The following NID1 variants were observed in gnomAD, a reference collection of about 807,000 sequenced individuals.
NID1 encodes the protein nidogen-1.
A neutral mutation model predicts 130.6 loss-of-function variants in NID1; 76 were observed. That is an observed-to-expected ratio of 0.58 (90% CI 0.48 to 0.70). The LOEUF is 0.70. Among genes scored for constraint, NID1 ranks in the 30% least tolerant of loss-of-function variants. The pLI is 0.00. For synonymous variants in NID1, 665 were observed against 675.1 expected (o/e 0.98, Z 0.23); for missense variants, 1,517 against 1,664.8 (o/e 0.91, Z 1.54).
At chr1:236,031,109 T>C (rs1659085309) in intron 6 of NID1, among the ~76,000 whole-genome samples, 1 of 151,228 alleles carries the variant, frequency 6.6e-6, no homozygotes, top group South Asian at 2.1e-4. Flanking sequence ...TCAATCCTTT[T>C]CTTTTTTTCT....
chr1:236,012,558 CAAAAAAAAA>C lies in NID1; in HGVS notation c.2405-524_2405-516del, dbSNP rs56183830. On this transcript the variant is annotated intron_variant, in intron 11 of 19. Coordinates refer to ENST00000264187, the MANE Select transcript of NID1 (RefSeq NM_002508.3). ...GGGCAACAAGAGCTAAATGCCATCT[CAAAAAAAAA>C]AAAAAAAAAAAAAAGAAAGAAAAGA... Among the ~76,000 whole-genome samples the C allele has an allele frequency of 6.1e-5, 6 of 98,086 alleles. No individual in the cohort carries two copies. The Admixed American group carries it at 6.7e-4, about 11-fold the overall frequency. 64.3% of individuals were successfully genotyped at this position (98,086 alleles called of 152,430 possible).
At chr1:236,050,620 A>C (rs1029733253) in intron 1 of NID1, among the ~76,000 whole-genome samples, 14 of 152,062 alleles carry the variant, frequency 9.2e-5, no homozygotes, top group Non-Finnish European at 8.8e-5. Context: ...AAATGGGAAG[A>C]GGGCCCCTGA....
At chr1:236,037,958 A>G in intron 5 of NID1, 146 bp downstream of exon 5, 1 of 921,688 alleles carries the variant, frequency 1.1e-6, no homozygotes, top group Non-Finnish European at 1.5e-6. Flanking sequence ...AGAAAAAATG[A>G]GGAAAGAGAG....
intron 4 of NID1, among the ~76,000 whole-genome samples, chr1:236,041,631 A>C (rs945515069): frequency 2.0e-5 from 3 of 152,196 alleles, no homozygotes; most frequent in African/African-American, 7.2e-5. Flanking sequence ...TTTTCTCTTT[A>C]AAACAGACAG....
Position 235,977,730 on chromosome 1 carries a change from AG to A in NID1, c.*136del. 1.1e-6 allele frequency: 1 copy of A among 948,706 alleles called. No homozygotes were observed. The highest frequency in any genetic ancestry group is 1.6e-6 in the Non-Finnish European group (1 of 628,292). 58.8% of individuals were successfully genotyped at this position (948,706 alleles called of 1,614,324 possible). On this transcript the variant is annotated 3_prime_UTR_variant, in exon 20 of 20. Coordinates refer to ENST00000264187, the MANE Select transcript of NID1 (RefSeq NM_002508.3). ...ATGTTTTGGGGAACAGTGAGGGAAA[AG>A]TTGTTGGGGCTCAGGCTGGGCTGGG...
intron 9 of NID1, 32 bp downstream of exon 9, chr1:236,024,038 C>T (rs777714935): frequency 6.2e-7 from 1 of 1,610,280 alleles, no homozygotes; most frequent in Non-Finnish European, 8.5e-7. Context: ...CCTGATTTCC[C>T]AGCCCCAACA....
At chr1:236,033,094 G>A (rs553506265) in intron 5 of NID1, among the ~76,000 whole-genome samples, 2 of 152,294 alleles carry the variant, frequency 1.3e-5, no homozygotes, top group South Asian at 2.1e-4. Context: ...GATCACCTGA[G>A]GTCAGGAGTT....
chr1:236,044,641 A>T (rs6665634), intron 3 of NID1, among the ~76,000 whole-genome samples: 74,869 of 152,036 alleles, frequency 0.49, 19,140 homozygotes, highest in East Asian at 0.68. Flanking sequence ...CTAGATTTGA[A>T]GATATAAAAT....
chr1:236,005,231 C>CGG (rs59897525), intron 12 of NID1, among the ~76,000 whole-genome samples: 3 of 150,666 alleles, frequency 2.0e-5, no homozygotes, highest in Admixed American at 1.3e-4. Context: ...CAGATATAGG[C>CGG]GGGGGGTGGG....
chr1:235,999,936 G>A (rs536707809), intron 12 of NID1, among the ~76,000 whole-genome samples: 34 of 152,262 alleles, frequency 2.2e-4, no homozygotes, highest in Admixed American at 9.2e-4. Context: ...AGAACAGGCC[G>A]GGCCCTGTGG....
rs1161985821 is a variant in NID1 at position 236,032,578 on chromosome 1, C to G, written c.1360G>C (p.Glu454Gln). 1 of 1,614,140 alleles carries G rather than the reference C, an allele frequency of 6.2e-7. No individual in the cohort carries two copies. The highest frequency in any genetic ancestry group is 8.5e-7 in the Non-Finnish European group (1 of 1,180,044). Residue 454 changes from glutamate to glutamine, a missense_variant, in exon 6 of 20, where the codon GAG becomes CAG. Glu to Gln is a conservative substitution (Grantham distance 29, BLOSUM62 2). Transcript: ENST00000264187. ...ACGTAAGAGTGGAGGTCAGTGTTCTCAAAGACAATGGGGACCTGGCTGCTC... is the reference window on the plus strand; with the variant it reads ...ACGTAAGAGTGGAGGTCAGTGTTCTGAAAGACAATGGGGACCTGGCTGCTC... ...VGSSQVPIVF[E>Q]NTDLHSYVVM...
chr1:236,057,283 C>T (rs948423997), intron 1 of NID1, among the ~76,000 whole-genome samples: 13 of 152,008 alleles, frequency 8.6e-5, no homozygotes, highest in South Asian at 2.1e-4. Context: ...ATTATGGGAT[C>T]GCACTTTAGT....
chr1:236,037,913 A>T (rs1238074819), intron 5 of NID1, among the ~76,000 whole-genome samples, 191 bp downstream of exon 5: 1 of 152,158 alleles, frequency 6.6e-6, no homozygotes, highest in Admixed American at 6.5e-5. Context: ...TATTTGAAAA[A>T]TGGGCCTTCC....
chr1:236,064,100 A>G (rs1024866775), intron 1 of NID1, among the ~76,000 whole-genome samples: 1 of 152,138 alleles, frequency 6.6e-6, no homozygotes, highest in Non-Finnish European at 1.5e-5. Flanking sequence ...TATGAAATCC[A>G]CATGGTGGGC....
Position 235,993,850 on chromosome 1 carries a change from C to G in NID1, c.2550G>C (p.Gln850His), listed in dbSNP as rs147665041. 2,027 of 1,613,056 alleles carry G rather than the reference C, an allele frequency of 1.3e-3. 3 individuals are homozygous for G. The highest frequency in any genetic ancestry group is 1.7e-3 in the Non-Finnish European group (1,947 of 1,179,130). Residue 850 changes from glutamine (Q) to histidine (H), a missense_variant, in exon 13 of 20, where the codon CAG becomes CAC. Physicochemically the swap from Gln to His is conservative, Grantham distance 24. This residue lies in a region of NID1 where 1,329 missense variants were observed against 1,429.2 expected (regional missense o/e 0.93). Transcript: ENST00000264187. Reference sequence around the variant, plus strand: ...CCCCGAGAATGTGTTCTCGCTCGTGCTGGCACCGGGTTTTCTCCACCTCTA... The same window carrying G: ...CCCCGAGAATGTGTTCTCGCTCGTGGTGGCACCGGGTTTTCTCCACCTCTA... ...VPGEVEKTRC[Q>H]HEREHILGAA...
At chr1:236,039,214 A>G (rs1041221486) in intron 4 of NID1, among the ~76,000 whole-genome samples, 1 of 147,110 alleles carries the variant, frequency 6.8e-6, no homozygotes, top group Non-Finnish European at 1.5e-5. Flanking sequence ...AGTATATACT[A>G]CATATAATTA....
At chr1:236,000,433 C>T (rs1242733088) in intron 12 of NID1, among the ~76,000 whole-genome samples, 1 of 152,178 alleles carries the variant, frequency 6.6e-6, no homozygotes, top group East Asian at 1.9e-4. Flanking sequence ...AATTGACAAT[C>T]AGAAAATCTT....
intron 15 of NID1, among the ~76,000 whole-genome samples, chr1:235,983,872 C>G (rs1473728117): frequency 1.3e-5 from 2 of 151,932 alleles, no homozygotes; most frequent in Admixed American, 1.3e-4. Context: ...GGGATCCGGG[C>G]TGTTATGAAA....
intron 5 of NID1, among the ~76,000 whole-genome samples, chr1:236,035,506 C>T (rs1196221471): frequency 7.0e-6 from 1 of 141,886 alleles, no homozygotes. Flanking sequence ...TGGGTATATA[C>T]CCAGTAATGG....
Sources: gnomAD v4.1 joint callset for allele counts (sites outside exome capture counted in the v4.1 genomes callset) on GRCh38, gnomAD v4.1.1 for gene constraint, gnomAD v4.1.1 regional missense constraint, MANE v1.5 for transcripts, NCBI Gene and HGNC (gene_info 2026-07-23, HGNC 2026-07-21) for gene names.